Variants in ABCC4 observed in about 807,000 individuals in gnomAD.
ABCC4 encodes the protein ATP binding cassette subfamily C member 4 (PEL blood group).
ABCC4 carries 102 observed loss-of-function variants against 168.5 expected under a neutral mutation model. That is an observed-to-expected ratio of 0.61 (90% CI 0.52 to 0.71). The LOEUF is 0.71. ABCC4 is among the 30% of genes least tolerant of loss of function. The pLI is 0.00. For synonymous variants in ABCC4, 617 were observed against 590.7 expected (o/e 1.04, Z -0.65); for missense variants, 1,402 against 1,605.8 (o/e 0.87, Z 2.17).
intron 1 of ABCC4, among the ~76,000 whole-genome samples, chr13:95,272,964 TAC>T (rs764264709): frequency 6.6e-6 from 1 of 150,960 alleles, no homozygotes. Context: ...CACAAAATCA[TAC>T]ACACACACAC....
At chr13:95,207,068 CT>C (rs2038804069) in intron 7 of ABCC4, among the ~76,000 whole-genome samples, 1 of 152,214 alleles carries the variant, frequency 6.6e-6, no homozygotes. Flanking sequence ...CAGAGTTTCA[CT>C]CTTGTCGCCC....
chr13:95,231,794 C>T (rs4773857), intron 4 of ABCC4, among the ~76,000 whole-genome samples: 115,724 of 152,106 alleles, frequency 0.76, 44,560 homozygotes, highest in Non-Finnish European at 0.84. Flanking sequence ...TACATGCAGG[C>T]AAGCAAGTCT....
chr13:95,224,686 G>GA (rs1275244742), intron 4 of ABCC4, among the ~76,000 whole-genome samples: 3 of 151,730 alleles, frequency 2.0e-5, no homozygotes, highest in Non-Finnish European at 4.4e-5. Flanking sequence ...GCAGTGAGCC[G>GA]AGATTGTGCC....
intron 20 of ABCC4, among the ~76,000 whole-genome samples, chr13:95,103,977 A>T (rs1300423790): frequency 2.6e-5 from 4 of 152,194 alleles, no homozygotes; most frequent in Non-Finnish European, 5.9e-5. Flanking sequence ...AATAACCAGG[A>T]AGCCTTACCA....
chr13:95,160,755 C>T (rs1044878615), intron 19 of ABCC4, among the ~76,000 whole-genome samples: 14 of 152,170 alleles, frequency 9.2e-5, no homozygotes, highest in African/African-American at 2.7e-4. Flanking sequence ...AAGAAATGCA[C>T]GGCCTGTCTC....
chr13:95,191,206 C>G (rs902756473), intron 9 of ABCC4, among the ~76,000 whole-genome samples: 1 of 137,960 alleles, frequency 7.2e-6, no homozygotes, highest in South Asian at 2.3e-4. Flanking sequence ...ATCAAGATAA[C>G]CTTCAAAATG....
At chr13:95,132,279 G>A (rs1594152275) in intron 19 of ABCC4, among the ~76,000 whole-genome samples, 1 of 152,164 alleles carries the variant, frequency 6.6e-6, no homozygotes, top group African/African-American at 2.4e-5. Context: ...GTAGTGGCGT[G>A]ATCTCGGCTC....
intron 1 of ABCC4, among the ~76,000 whole-genome samples, chr13:95,266,479 AC>A (rs2040677946): frequency 6.6e-6 from 1 of 152,192 alleles, no homozygotes; most frequent in Admixed American, 6.5e-5. Context: ...GTCTTAAACC[AC>A]CAAGTATGTA....
chr13:95,166,110 T>C (rs2037261657), intron 15 of ABCC4, 48 bp downstream of exon 15: 4 of 1,505,284 alleles, frequency 2.7e-6, no homozygotes, highest in East Asian at 2.3e-5. Flanking sequence ...CATAAGGCCA[T>C]TAACAGTGAA....
At chr13:95,197,906 A>G (rs1272519808) in intron 8 of ABCC4, among the ~76,000 whole-genome samples, 1 of 152,208 alleles carries the variant, frequency 6.6e-6, no homozygotes, top group East Asian at 1.9e-4. Context: ...CTTCGCAATA[A>G]AACCTTCATT....
At chr13:95,243,811 G>A (rs1297627959) in intron 3 of ABCC4, among the ~76,000 whole-genome samples, 1 of 151,900 alleles carries the variant, frequency 6.6e-6, no homozygotes, top group African/African-American at 2.4e-5. Flanking sequence ...CTTGAGCCCA[G>A]GGAGATGGAG....
intron 29 of ABCC4, among the ~76,000 whole-genome samples, chr13:95,040,550 C>T (rs1162070707): frequency 6.6e-6 from 1 of 152,176 alleles, no homozygotes; most frequent in Non-Finnish European, 1.5e-5. Flanking sequence ...TTTGTGCTTT[C>T]TACCTTCACA....
intron 11 of ABCC4, among the ~76,000 whole-genome samples, chr13:95,184,202 G>A (rs2037989088): frequency 6.6e-6 from 1 of 152,178 alleles, no homozygotes; most frequent in Non-Finnish European, 1.5e-5. Flanking sequence ...CTACGGAAGA[G>A]GCTGAATGGC....
intron 24 of ABCC4, 27 bp from the exon 25 acceptor site, chr13:95,071,880 G>A (rs750524294): frequency 4.2e-6 from 6 of 1,431,996 alleles, no homozygotes; most frequent in Non-Finnish European, 5.5e-6. Flanking sequence ...ATCCCGAGGG[G>A]TTAGGAATGG....
At chr13:95,032,610 G>A (rs557573470) in intron 30 of ABCC4, among the ~76,000 whole-genome samples, 1 of 152,252 alleles carries the variant, frequency 6.6e-6, no homozygotes, top group South Asian at 2.1e-4. Context: ...GTTTTATTTG[G>A]ATAAATCTTT....
intron 18 of ABCC4, among the ~76,000 whole-genome samples, chr13:95,162,574 A>G (rs771279230): frequency 6.6e-6 from 1 of 152,210 alleles, no homozygotes; most frequent in Non-Finnish European, 1.5e-5. Flanking sequence ...ATTCCCAGAC[A>G]CTGGATTTTT....
At chr13:95,057,892 C>T (rs1418565605) in intron 26 of ABCC4, among the ~76,000 whole-genome samples, 1 of 152,222 alleles carries the variant, frequency 6.6e-6, no homozygotes, top group African/African-American at 2.4e-5. Context: ...ATTTGGCTTT[C>T]CACTCACTTC....
chr13:95,071,742 C>CT lies in ABCC4; in HGVS notation c.3129_3130insA (p.Asp1044ArgfsTer23), dbSNP rs1481111650. ...GGACTGTACATGAAGTTCACATTGTCAAAGATTATCACTCCTTCATGGGGC... is the reference window on the plus strand; with the variant it reads ...GGACTGTACATGAAGTTCACATTGTCTAAAGATTATCACTCCTTCATGGGGC... On this transcript the variant is annotated frameshift_variant, in exon 25 of 31. Coordinates refer to ENST00000645237, the MANE Select transcript of ABCC4 (RefSeq NM_005845.5). LOFTEE classifies it high-confidence loss of function. 1 of 1,606,008 alleles carries CT rather than the reference C, an allele frequency of 6.2e-7. No homozygotes were observed. Among genetic ancestry groups the CT allele is most frequent in the East Asian group, 2.3e-5 (1 of 44,396 alleles).
intron 19 of ABCC4, among the ~76,000 whole-genome samples, chr13:95,140,077 C>T (rs1186147859): frequency 6.6e-6 from 1 of 152,214 alleles, no homozygotes; most frequent in Non-Finnish European, 1.5e-5. Context: ...GATCCACTTA[C>T]TCAGTCTTAC....
Sources: gnomAD v4.1 joint callset for allele counts (sites outside exome capture counted in the v4.1 genomes callset) on GRCh38, gnomAD v4.1.1 for gene constraint, MANE v1.5 for transcripts, NCBI Gene and HGNC (gene_info 2026-07-23, HGNC 2026-07-21) for gene names.